The following MRAS variants were observed in gnomAD, a reference collection of about 807,000 sequenced individuals.
MRAS encodes the protein muscle RAS oncogene homolog, also known as ras-related protein M-Ras.
In MRAS, 4 loss-of-function variants were observed where a neutral mutation model predicts 20.9. The ratio of observed to expected loss-of-function variants is 0.19; its 90% CI spans 0.09 to 0.44. The LOEUF is 0.44. Ranked by LOEUF, MRAS falls within the 20% of genes least tolerant of loss-of-function variation. The probability of loss-of-function intolerance (pLI) is 0.99; values close to 1 mark genes in which losing one functional copy is unlikely to be tolerated. For synonymous variants in MRAS, 98 were observed against 102.9 expected, an observed-to-expected ratio of 0.95 and a Z score of 0.29; for missense variants, 154 against 277.5, an observed-to-expected ratio of 0.56 and a Z score of 3.16.
chr3:138,369,819 G>T (rs909895838), intron 1 of MRAS, among the ~76,000 whole-genome samples: 10 of 152,286 alleles, frequency 6.6e-5, no homozygotes, highest in Non-Finnish European at 1.5e-4. Context: ...CATTTTTTAA[G>T]GAGTCCCCAA....
At chr3:138,380,321 T>TC (rs57085513) in intron 2 of MRAS, among the ~76,000 whole-genome samples, 49 of 151,602 alleles carry the variant, frequency 3.2e-4, no homozygotes, top group African/African-American at 1.1e-3. Flanking sequence ...CTACTTTCTT[T>TC]TTTTTTTCTG....
intron 1 of MRAS, among the ~76,000 whole-genome samples, chr3:138,361,751 G>T (rs746636893): frequency 6.6e-6 from 1 of 152,194 alleles, no homozygotes; most frequent in Non-Finnish European, 1.5e-5. Context: ...CCCAGAGTGT[G>T]CAGAGGCTGG....
intron 1 of MRAS, among the ~76,000 whole-genome samples, chr3:138,365,167 C>A (rs1009726919): frequency 6.6e-6 from 1 of 152,198 alleles, no homozygotes; most frequent in Non-Finnish European, 1.5e-5. Flanking sequence ...TCGGAATCTA[C>A]CTTCTAGGGT....
chr3:138,386,008 AG>A (rs752156220), intron 2 of MRAS, among the ~76,000 whole-genome samples: 5 of 152,140 alleles, frequency 3.3e-5, no homozygotes, highest in Non-Finnish European at 7.4e-5. Flanking sequence ...CCCTAGCGAG[AG>A]GGCAGGTGGA....
chr3:138,364,459 A>G (rs2054520387), intron 1 of MRAS, among the ~76,000 whole-genome samples: 1 of 152,264 alleles, frequency 6.6e-6, no homozygotes, highest in South Asian at 2.1e-4. Flanking sequence ...ACAGAAAAGA[A>G]AACCAAAGTA....
At chr3:138,350,199 C>T (rs896299636) in intron 1 of MRAS, 3 of 152,190 alleles carry the variant, frequency 2.0e-5, no homozygotes, top group Non-Finnish European at 4.4e-5. Context: ...TAGAGCTTCT[C>T]CTGCTTCTTT....
In MRAS at chr3:138,397,552, T is replaced by TC; in HGVS notation, c.347+75_347+76insC. On this transcript the variant is annotated intron_variant, in intron 3 of 5. Coordinates refer to ENST00000423968, the MANE Select transcript of MRAS (RefSeq NM_001085049.3). ...TCCTAGGGCGCTCTCTCTCTCTCTC[T>TC]TTCTCTTTCTCTCTCTCTCACCCCT... The TC allele has an allele frequency of 4.0e-6, 6 of 1,513,114 alleles. No individual in the cohort carries two copies. The African/African-American group carries it at 5.5e-5, about 14-fold the overall frequency. The allele number at this position is 1,513,114 out of a possible 1,614,324, so 93.7% of individuals were successfully genotyped here. A position where few individuals can be genotyped will look rare whatever the true frequency, so the allele number is the denominator to read the frequency against.
At chr3:138,399,798 T>TG (rs1281500009) in intron 4 of MRAS, among the ~76,000 whole-genome samples, 3 of 152,276 alleles carry the variant, frequency 2.0e-5, no homozygotes, top group African/African-American at 7.2e-5. Flanking sequence ...TAGGAGAAGG[T>TG]GAGCGCTCAG....
chr3:138,367,444 A>G (rs939862668), intron 1 of MRAS, among the ~76,000 whole-genome samples: 10 of 152,166 alleles, frequency 6.6e-5, no homozygotes, highest in African/African-American at 2.4e-4. Context: ...TGTCCCACTG[A>G]GAACCGTTGG....
At chr3:138,359,506 T>C (rs811332) in intron 1 of MRAS, among the ~76,000 whole-genome samples, 129,209 of 152,224 alleles carry the variant, frequency 0.85, 55,088 homozygotes, top group East Asian at 0.97. Context: ...ATGTCTTTCT[T>C]ATTTTTGGTC....
chr3:138,392,868 T>A (rs1048899456), intron 2 of MRAS, among the ~76,000 whole-genome samples: 3 of 152,244 alleles, frequency 2.0e-5, no homozygotes, highest in Admixed American at 2.0e-4. Context: ...TCATGCCTAC[T>A]TTTTATTATA....
rs138905383 is a variant in MRAS, at chr3:138,397,436, C to T, written c.306C>T (p.His102=). The T allele has an allele frequency of 4.1e-4, 656 of 1,614,136 alleles. 5 individuals carry two copies. The African/African-American group carries it at 6.6e-3, about 16-fold the overall frequency. ...TCACTGACAAGGCCAGCTTTGAGCA[C>T]GTGGACCGCTTCCACCAGCTTATCC... is the stretch of plus-strand genomic sequence containing the variant. ...YSVTDKASFE[H]VDRFHQLILR... Residue 102 remains histidine, a synonymous_variant, in exon 3 of 6, where the codon CAC becomes CAT. Coordinates refer to ENST00000423968, the MANE Select transcript of MRAS (RefSeq NM_001085049.3).
chr3:138,397,403 C>G lies in MRAS; in HGVS notation c.273C>G (p.Val91=), dbSNP rs1307914423. The part of the protein sequence containing the change: ...YMRTGDGFLI[V]YSVTDKASFE... ...GCACGGGGGATGGCTTCCTCATCGT[C>G]TACTCCGTCACTGACAAGGCCAGCT... The change falls in exon 3 of 6, where the codon GTC becomes GTG. Residue 91 remains valine, a synonymous_variant. Transcript: ENST00000423968. The G allele has an allele frequency of 6.2e-7, 1 of 1,614,068 alleles. No individual in the cohort carries two copies. The highest frequency in any genetic ancestry group is 1.3e-5 in the African/African-American group (1 of 74,938).
At chr3:138,349,192 A>T (rs2054176646) in intron 1 of MRAS, 1 of 152,240 alleles carries the variant, frequency 6.6e-6, no homozygotes, top group Non-Finnish European at 1.5e-5. Flanking sequence ...TGACAAATTC[A>T]TCTGAATAAT....
chr3:138,402,049 A>G, intron 5 of MRAS, 121 bp from the exon 6 acceptor site: 1 of 874,606 alleles, frequency 1.1e-6, no homozygotes, highest in South Asian at 1.7e-5. Context: ...CATCCCCCTC[A>G]CCCACTAACC....
chr3:138,392,753 A>G (rs916912204), intron 2 of MRAS, among the ~76,000 whole-genome samples: 1 of 152,218 alleles, frequency 6.6e-6, no homozygotes, highest in African/African-American at 2.4e-5. Context: ...TCTTTGAAAG[A>G]AGGCAGGCAA....
chr3:138,373,917 C>T (rs2054727143), intron 2 of MRAS, among the ~76,000 whole-genome samples: 1 of 104,016 alleles, frequency 9.6e-6, no homozygotes, highest in African/African-American at 3.8e-5. Context: ...TTATTTGGGT[C>T]TTCTTTCTCT....
chr3:138,398,990 CACGTTG>C (rs2055301922), intron 4 of MRAS, among the ~76,000 whole-genome samples: 1 of 152,198 alleles, frequency 6.6e-6, no homozygotes, highest in Admixed American at 6.5e-5. Flanking sequence ...TGCAGGGATG[CACGTTG>C]TCCTGACTTA....
At position 138,405,307 on chromosome 3, in the gene MRAS, A is replaced by G. The variant is rs536672674; in HGVS notation, c.*3038A>G. ...CTGGAGCCACAGACAGGTTCCCTCC[A>G]TTGGCAGCCCATTGTGTTTGAAATT... On this transcript the variant is annotated 3_prime_UTR_variant, in exon 6 of 6. Transcript: ENST00000423968. The G allele has an allele frequency of 8.5e-5, 13 of 152,738 alleles. No homozygotes were observed. Among genetic ancestry groups the G allele is most frequent in the African/African-American group, 2.9e-4 (12 of 41,586 alleles). The allele number at this position is 152,738 out of a possible 1,614,324, so 9.5% of individuals were successfully genotyped here. A position where few individuals can be genotyped will look rare whatever the true frequency, so the allele number is the denominator to read the frequency against.
Sources: gnomAD v4.1 joint callset for allele counts (sites outside exome capture counted in the v4.1 genomes callset) on GRCh38, gnomAD v4.1.1 for gene constraint, MANE v1.5 for transcripts, NCBI Gene and HGNC (gene_info 2026-07-23, HGNC 2026-07-21) for gene names.